PIK3C2G: variants seen among roughly 807,000 people sequenced by gnomAD.
PIK3C2G encodes phosphatidylinositol 3-kinase C2 domain-containing subunit gamma.
Under a neutral mutation model 181.1 loss-of-function variants are expected in PIK3C2G, and 168 were observed. That is an observed-to-expected ratio of 0.93 (90% CI 0.82 to 1.05). PIK3C2G has a LOEUF of 1.05. Among genes scored for constraint, PIK3C2G ranks in the 50% least tolerant of loss-of-function variants. The pLI, the probability that PIK3C2G is intolerant of heterozygous loss-of-function variation, is 0.00. For missense variants in PIK3C2G, 1,869 were observed against 1,732.8 expected, an observed-to-expected ratio of 1.08 and a Z score of -1.40; for synonymous variants, 573 against 592.2, an observed-to-expected ratio of 0.97 and a Z score of 0.47.
At chr12:18,642,886 G>A (rs1400057833) in intron 32 of PIK3C2G, among the ~76,000 whole-genome samples, 1 of 151,116 alleles carries the variant, frequency 6.6e-6, no homozygotes, top group Non-Finnish European at 1.5e-5. Flanking sequence ...TCTCTAAACT[G>A]GTAAGGAAAA....
At chr12:18,647,157 A>C (rs562421004) in intron 32 of PIK3C2G, among the ~76,000 whole-genome samples, 1 of 152,276 alleles carries the variant, frequency 6.6e-6, no homozygotes, top group Non-Finnish European at 1.5e-5. Context: ...TTGAATAAAT[A>C]AAAGTAACCA....
intron 30 of PIK3C2G, among the ~76,000 whole-genome samples, chr12:18,603,751 G>A (rs1947857356): frequency 6.6e-6 from 1 of 152,114 alleles, no homozygotes; most frequent in Non-Finnish European, 1.5e-5. Context: ...TCAGCCAAGA[G>A]TTTTGTATCC....
chr12:18,352,516 C>T (rs2137711356), intron 11 of PIK3C2G, among the ~76,000 whole-genome samples: 1 of 152,290 alleles, frequency 6.6e-6, no homozygotes, highest in East Asian at 1.9e-4. Flanking sequence ...AGGAGGGGTA[C>T]TCAAAATCCC....
In PIK3C2G at chr12:18,554,037, C is replaced by A. The variant is rs187397784; in HGVS notation, c.3590+7605C>A. Among the ~76,000 whole-genome samples the A allele has an allele frequency of 1.7e-3, 260 of 152,176 alleles. 1 individual carries two copies. The highest frequency in any genetic ancestry group is 0.01 in the Middle Eastern group (3 of 292). On this transcript the variant is annotated intron_variant, in intron 26 of 32. Coordinates refer to ENST00000538779, the MANE Select transcript of PIK3C2G (RefSeq NM_001288772.2). ...AATTGAGTCTCCTGAAGTCATTCAA[C>A]AATGACTTTCTTGAGATCACTGGCA... is the stretch of plus-strand genomic sequence containing the variant.
chr12:18,360,983 C>A (rs756719563), intron 11 of PIK3C2G, among the ~76,000 whole-genome samples: 4 of 151,460 alleles, frequency 2.6e-5, no homozygotes, highest in Non-Finnish European at 5.9e-5. Context: ...TTCTTTTTTT[C>A]TCTTTCTGAA....
At chr12:18,582,945 G>A (rs1427397475) in intron 29 of PIK3C2G, among the ~76,000 whole-genome samples, 1 of 152,128 alleles carries the variant, frequency 6.6e-6, no homozygotes, top group Non-Finnish European at 1.5e-5. Context: ...AGCTCCCACA[G>A]AGAGGGACAG....
Position 18,613,152 on chromosome 12 carries a change from C to T in PIK3C2G, c.4182+3523C>T, listed in dbSNP as rs556334952. On this transcript the variant is annotated intron_variant, in intron 31 of 32. Coordinates refer to ENST00000538779, the MANE Select transcript of PIK3C2G (RefSeq NM_001288772.2). ...TTTCATTGATGTCTACAATGTCTCT[C>T]CATGCATTTTATGCTGACTTCATGG... Among the ~76,000 whole-genome samples, 157 of 152,236 alleles carry T rather than the reference C, an allele frequency of 1.0e-3. 1 individual carries two copies. The highest frequency in any genetic ancestry group is 4.6e-3 in the South Asian group (22 of 4,826).
chr12:18,608,034 TA>T (rs1348309148), intron 30 of PIK3C2G, among the ~76,000 whole-genome samples: 2 of 151,708 alleles, frequency 1.3e-5, no homozygotes, highest in Non-Finnish European at 2.9e-5. Context: ...TGGCCATCAT[TA>T]AAAAGTCAGG....
intron 29 of PIK3C2G, among the ~76,000 whole-genome samples, chr12:18,569,173 T>C (rs921897925): frequency 3.9e-5 from 6 of 152,074 alleles, no homozygotes; most frequent in African/African-American, 1.4e-4. Flanking sequence ...ACAATTTCTT[T>C]TGGAATGGTC....
intron 24 of PIK3C2G, among the ~76,000 whole-genome samples, chr12:18,515,888 C>T (rs937249868): frequency 2.0e-5 from 3 of 151,860 alleles, no homozygotes; most frequent in African/African-American, 7.2e-5. Context: ...TGCTATATCC[C>T]ACAGATTCTA....
intron 18 of PIK3C2G, among the ~76,000 whole-genome samples, chr12:18,447,952 C>A (rs1947120767): frequency 6.6e-6 from 1 of 152,056 alleles, no homozygotes; most frequent in African/African-American, 2.4e-5. Flanking sequence ...GGGGGATTTC[C>A]TCCACTTGGG....
intron 16 of PIK3C2G, among the ~76,000 whole-genome samples, chr12:18,401,983 A>G (rs1944272228): frequency 6.6e-6 from 1 of 152,144 alleles, no homozygotes; most frequent in Admixed American, 6.5e-5. Flanking sequence ...TAAGTGTTAA[A>G]CCCAGAGTTA....
At chr12:18,479,770 A>G (rs1939376877) in intron 18 of PIK3C2G, among the ~76,000 whole-genome samples, 1 of 152,134 alleles carries the variant, frequency 6.6e-6, no homozygotes, top group African/African-American at 2.4e-5. Context: ...TAGAACACAG[A>G]ATATGGTGCT....
At position 18,275,661 on chromosome 12, in the gene PIK3C2G, G is replaced by A. The variant is rs527422003; in HGVS notation, c.-78-6343G>A. On this transcript the variant is annotated intron_variant, in intron 1 of 32. Coordinates refer to ENST00000538779, the MANE Select transcript of PIK3C2G (RefSeq NM_001288772.2). Reference sequence around the variant, plus strand: ...CTCCCAAAGTGCTGGGATTACAGTCGTGGGCCACCATGCCTGGCCTATCTT... The same window carrying A: ...CTCCCAAAGTGCTGGGATTACAGTCATGGGCCACCATGCCTGGCCTATCTT... Among the ~76,000 whole-genome samples, 25 of 152,248 alleles carry A rather than the reference G, an allele frequency of 1.6e-4. No individual in the cohort carries two copies. The South Asian group carries it at 3.9e-3, about 24-fold the overall frequency.
At chr12:18,639,994 A>G (rs1407711707) in intron 31 of PIK3C2G, among the ~76,000 whole-genome samples, 4 of 151,654 alleles carry the variant, frequency 2.6e-5, no homozygotes, top group Non-Finnish European at 5.9e-5. Context: ...TAATATACAT[A>G]TACATATTAT....
At chr12:18,338,709 G>T (rs1391807555) in intron 9 of PIK3C2G, among the ~76,000 whole-genome samples, 161 bp downstream of exon 9, 1 of 141,014 alleles carries the variant, frequency 7.1e-6, no homozygotes. Context: ...GTGTGTGTGT[G>T]CATGCAGCCA....
At chr12:18,565,021 G>A (rs376920380) in intron 28 of PIK3C2G, among the ~76,000 whole-genome samples, 17 of 152,206 alleles carry the variant, frequency 1.1e-4, no homozygotes, top group African/African-American at 3.9e-4. Context: ...GCTGCCTGGA[G>A]GTTCTTACAT....
chr12:18,615,169 C>G (rs2136631682), intron 31 of PIK3C2G, among the ~76,000 whole-genome samples: 1 of 151,894 alleles, frequency 6.6e-6, no homozygotes. Context: ...ATTATTATTC[C>G]TTTGTGTCCT....
the PIK3C2G span, among the ~76,000 whole-genome samples, chr12:18,711,301 G>A: frequency 3.3e-4 from 47 of 142,724 alleles, no homozygotes; most frequent in Non-Finnish European, 5.3e-4. Context: ...ACCAAACACC[G>A]CATGTTCTCA....
Sources: gnomAD v4.1 joint callset for allele counts (sites outside exome capture counted in the v4.1 genomes callset) on GRCh38, gnomAD v4.1.1 for gene constraint, MANE v1.5 for transcripts, NCBI Gene and HGNC (gene_info 2026-07-23, HGNC 2026-07-21) for gene names.